Variants in IQCB1 observed in about 807,000 individuals in gnomAD.
IQCB1 encodes the protein IQ calmodulin-binding motif-containing protein 1.
In IQCB1, 56 loss-of-function variants were observed where a neutral mutation model predicts 84.4. The observed-to-expected ratio is 0.66, with a 90% CI of 0.54 to 0.83. The LOEUF (loss-of-function observed/expected upper bound fraction) is 0.83. Among genes scored for constraint, IQCB1 ranks in the 40% least tolerant of loss-of-function variants. The pLI, the probability that IQCB1 is intolerant of heterozygous loss-of-function variation, is 0.00. For missense variants in IQCB1, 629 were observed against 682.1 expected (o/e 0.92, Z 0.87); for synonymous variants, 210 against 234.8 (o/e 0.89, Z 0.96).
intron 5 of IQCB1, among the ~76,000 whole-genome samples, chr3:121,813,609 C>G (rs931891349): frequency 2.0e-5 from 3 of 152,084 alleles, no homozygotes; most frequent in Non-Finnish European, 4.4e-5. Flanking sequence ...CAAAAAAAAG[C>G]AGGAGTTGCA....
chr3:121,797,064 G>A, intron 9 of IQCB1, 54 bp downstream of exon 9: 3 of 897,182 alleles, frequency 3.3e-6, no homozygotes, highest in East Asian at 4.8e-5. Flanking sequence ...GGAAAACTAA[G>A]GTTTAATATA....
chr3:121,788,545 G>A lies in IQCB1; in HGVS notation c.1130-113C>T, dbSNP rs1022480372. On this transcript the variant is annotated intron_variant, in intron 11 of 14. Transcript: ENST00000310864. ...CATTCTTTTTATTTTTGTCAATATT[G>A]TTCACTAATTTTCCCAATTCTACTA... 17 of 1,067,272 alleles carry A rather than the reference G, an allele frequency of 1.6e-5. No individual in the cohort carries two copies. The African/African-American group carries it at 2.5e-4, about 16-fold the overall frequency. The allele number at this position is 1,067,272 out of a possible 1,614,324, so 66.1% of individuals were successfully genotyped here. A position where few individuals can be genotyped will look rare whatever the true frequency, so the allele number is the denominator to read the frequency against.
intron 6 of IQCB1, among the ~76,000 whole-genome samples, 193 bp from the exon 7 acceptor site, chr3:121,807,636 C>G (rs1315918913): frequency 1.3e-5 from 2 of 151,894 alleles, no homozygotes; most frequent in African/African-American, 4.8e-5. Flanking sequence ...TAAGTCATTT[C>G]ATTTTTATGA....
Position 121,770,533 on chromosome 3 carries a change from G to A in IQCB1, c.1609C>T (p.Leu537Phe), listed in dbSNP as rs746657041. The A allele has an allele frequency of 6.2e-6, 10 of 1,614,162 alleles. No individual in the cohort carries two copies. Among genetic ancestry groups the A allele is most frequent in the Non-Finnish European group, 8.5e-6 (10 of 1,180,034 alleles). The change falls in exon 15 of 15, where the codon CTC becomes TTC. Residue 537 changes from leucine (L) to phenylalanine (F), a missense_variant. Leu to Phe is a conservative substitution (Grantham distance 22). Coordinates refer to ENST00000310864, the MANE Select transcript of IQCB1 (RefSeq NM_001023570.4). ...ACAGGCCTGGATCTACTTAGGAAGA[G>A]CTCAGGTTCTTTCCCTTCTGCCTCC... Reference protein sequence around the residue: ...LKEAEGKEPELFLSRSRPVAA... With the variant: ...LKEAEGKEPEFFLSRSRPVAA...
At chr3:121,776,795 T>G (rs1438857092) in intron 13 of IQCB1, among the ~76,000 whole-genome samples, 1 of 152,228 alleles carries the variant, frequency 6.6e-6, no homozygotes, top group Non-Finnish European at 1.5e-5. Flanking sequence ...TTTGGTGAAG[T>G]ATCTGTTCAA....
chr3:121,781,505 G>GA (rs375336670), intron 13 of IQCB1, among the ~76,000 whole-genome samples: 35 of 152,146 alleles, frequency 2.3e-4, no homozygotes, highest in African/African-American at 8.4e-4. Context: ...CATAGTATGG[G>GA]AAAAAACTGA....
At chr3:121,828,010 T>G (rs78550073) in intron 4 of IQCB1, among the ~76,000 whole-genome samples, 1 of 152,168 alleles carries the variant, frequency 6.6e-6, no homozygotes, top group South Asian at 2.1e-4. Context: ...GATAGCTACA[T>G]TGATATAGTG....
chr3:121,786,170 C>CAAGAAAAAAAGAAAG, intron 12 of IQCB1, among the ~76,000 whole-genome samples: 3 of 72,882 alleles, frequency 4.1e-5, no homozygotes. Context: ...GATTCTGTCT[C>CAAGAAAAAAAGAAAG]AAAAGAAAAG....
chr3:121,828,991 A>T lies in IQCB1; in HGVS notation c.-12-19T>A, dbSNP rs1950544654. 7.6e-7 allele frequency: 1 copy of T among 1,324,408 alleles called. No homozygotes were observed. Among genetic ancestry groups the T allele is most frequent in the African/African-American group, 1.4e-5 (1 of 69,528 alleles). The allele number at this position is 1,324,408 out of a possible 1,614,324, so 82.0% of individuals were successfully genotyped here. A position where few individuals can be genotyped will look rare whatever the true frequency, so the allele number is the denominator to read the frequency against. Reference sequence around the variant, plus strand: ...TTATTACCTATATTTTAACAGAATCAGAGAATAAAGGTCAAAAAGCCAGGA... The same window carrying T: ...TTATTACCTATATTTTAACAGAATCTGAGAATAAAGGTCAAAAAGCCAGGA... On this transcript the variant is annotated intron_variant, in intron 2 of 14. Coordinates refer to ENST00000310864, the MANE Select transcript of IQCB1 (RefSeq NM_001023570.4).
intron 5 of IQCB1, among the ~76,000 whole-genome samples, chr3:121,816,555 A>G (rs1055505182): frequency 6.6e-6 from 1 of 152,192 alleles, no homozygotes; most frequent in Non-Finnish European, 1.5e-5. Context: ...ATCTAAAAGG[A>G]ACTTAAACAA....
intron 14 of IQCB1, among the ~76,000 whole-genome samples, chr3:121,771,041 G>A (rs1040823985): frequency 1.3e-5 from 2 of 151,998 alleles, no homozygotes; most frequent in Non-Finnish European, 2.9e-5. Flanking sequence ...GCACGATCTC[G>A]GCTCACTGCA....
At chr3:121,802,080 G>C (rs1181264066) in intron 7 of IQCB1, among the ~76,000 whole-genome samples, 1 of 151,904 alleles carries the variant, frequency 6.6e-6, no homozygotes, top group Non-Finnish European at 1.5e-5. Context: ...TGAATATACT[G>C]ATGAGTAGTT....
chr3:121,793,232 G>A lies in IQCB1; in HGVS notation c.986+2225C>T, dbSNP rs372077224. 6.6e-5 allele frequency among the ~76,000 whole-genome samples: 10 copies of A among 152,304 alleles called. No individual in the cohort carries two copies. The South Asian group carries it at 1.7e-3, about 25-fold the overall frequency. On this transcript the variant is annotated intron_variant, in intron 10 of 14. Coordinates refer to ENST00000310864, the MANE Select transcript of IQCB1 (RefSeq NM_001023570.4). Reference sequence around the variant, plus strand: ...AAGATAACTAGAGCAGCTGTTAGCCGCTTCAGAAAACCTTGCTGAATAAGA... The same window carrying A: ...AAGATAACTAGAGCAGCTGTTAGCCACTTCAGAAAACCTTGCTGAATAAGA...
chr3:121,821,917 C>T (rs1206270202), intron 5 of IQCB1, among the ~76,000 whole-genome samples: 1 of 152,158 alleles, frequency 6.6e-6, no homozygotes, highest in African/African-American at 2.4e-5. Context: ...CTGAGTAAAG[C>T]AGATTGCTTT....
At chr3:121,826,254 T>G (rs1170286134) in intron 4 of IQCB1, 74 bp from the exon 5 acceptor site, 1 of 1,443,226 alleles carries the variant, frequency 6.9e-7, no homozygotes, top group Non-Finnish European at 9.7e-7. Flanking sequence ...ACACTGTGCC[T>G]TATTGAGAAT....
chr3:121,825,146 T>C (rs6793073), intron 5 of IQCB1, among the ~76,000 whole-genome samples: 96,742 of 150,482 alleles, frequency 0.64, 31,586 homozygotes, highest in African/African-American at 0.71. Context: ...CTGCAACCTC[T>C]GCCTCCTGGG....
rs1208574597 is a variant in IQCB1 at position 121,788,367 on chromosome 3, T to C, written c.1195A>G (p.Arg399Gly). 1 of 1,613,528 alleles carries C rather than the reference T, an allele frequency of 6.2e-7. No individual in the cohort carries two copies. Among genetic ancestry groups the C allele is most frequent in the Non-Finnish European group, 8.5e-7 (1 of 1,179,652 alleles). The change falls in exon 12 of 15, where the codon AGA (arginine) becomes GGA (glycine). Residue 399 changes from arginine to glycine, a missense_variant. Coordinates refer to ENST00000310864, the MANE Select transcript of IQCB1 (RefSeq NM_001023570.4). ...AAATTTTTCCTTTCCCTGTACCCTC[T>C]CCAATGTTTCTGGATAATCAGTGCT... ...KSALIIQKHW[R>G]GYRERKNFHQ... is the part of the protein sequence containing the mutation.
chr3:121,811,765 C>T (rs981918171), intron 5 of IQCB1, among the ~76,000 whole-genome samples: 1 of 152,178 alleles, frequency 6.6e-6, no homozygotes, highest in Non-Finnish European at 1.5e-5. Context: ...AAGGCAGCAG[C>T]CCCAGTAAGA....
At chr3:121,789,982 T>A (rs543740289) in intron 11 of IQCB1, 91 bp downstream of exon 11, 38 of 1,139,400 alleles carry the variant, frequency 3.3e-5, no homozygotes, top group East Asian at 1.2e-4. Context: ...AGTCCAAATT[T>A]AAAAAAAAAT....
Sources: allele counts gnomAD v4.1 joint callset (sites outside exome capture counted in the v4.1 genomes callset), GRCh38; gene constraint gnomAD v4.1.1; transcripts MANE v1.5; gene names NCBI Gene and HGNC (gene_info 2026-07-23, HGNC 2026-07-21).